Variants in GRM5 observed in about 807,000 individuals in gnomAD.
The protein encoded by GRM5 is metabotropic glutamate receptor 5.
In GRM5, 19 loss-of-function variants were observed where a neutral mutation model predicts 83.1. The observed-to-expected ratio is 0.23, with a 90% confidence interval of 0.16 to 0.34. The LOEUF is 0.34. Among genes scored for constraint, GRM5 ranks in the 10% least tolerant of loss-of-function variants. The pLI, the probability that GRM5 is intolerant of heterozygous loss-of-function variation, is 1.00. For missense variants in GRM5, 1,160 were observed against 1,588.3 expected (o/e 0.73, Z 4.58); for synonymous variants, 675 against 633.6 (o/e 1.07, Z -0.98).
intron 3 of GRM5, among the ~76,000 whole-genome samples, chr11:88,846,817 A>G (rs1944310268): frequency 6.6e-6 from 1 of 152,218 alleles, no homozygotes; most frequent in Non-Finnish European, 1.5e-5. Flanking sequence ...AAGAAGTTAT[A>G]GCGTGAACTA....
chr11:88,774,063 A>G (rs1265750125), intron 3 of GRM5, among the ~76,000 whole-genome samples: 1 of 152,128 alleles, frequency 6.6e-6, no homozygotes, highest in Non-Finnish European at 1.5e-5. Context: ...TTTTCACAAT[A>G]TTGATTTTTC....
At chr11:88,764,765 A>G (rs1301346695) in intron 3 of GRM5, among the ~76,000 whole-genome samples, 1 of 151,612 alleles carries the variant, frequency 6.6e-6, no homozygotes, top group Admixed American at 6.6e-5. Context: ...GAAAAATTCA[A>G]ATCAGCAACC....
At chr11:88,708,853 G>C (rs538565304) in intron 3 of GRM5, among the ~76,000 whole-genome samples, 5 of 152,008 alleles carry the variant, frequency 3.3e-5, no homozygotes, top group African/African-American at 1.2e-4. Context: ...TTGCTAATTG[G>C]AAAAAAATTC....
At chr11:88,880,845 C>T (rs1271607397) in intron 2 of GRM5, among the ~76,000 whole-genome samples, 2 of 152,148 alleles carry the variant, frequency 1.3e-5, no homozygotes, top group Non-Finnish European at 2.9e-5. Context: ...TATTTCTGCA[C>T]ATACTATTTG....
At chr11:88,719,262 C>T (rs1941477216) in intron 3 of GRM5, among the ~76,000 whole-genome samples, 1 of 151,990 alleles carries the variant, frequency 6.6e-6, no homozygotes, top group Admixed American at 6.6e-5. Context: ...GTTCCCTTCC[C>T]TGTGTCCCTG....
chr11:88,987,846 A>G (rs1378378258), intron 2 of GRM5, among the ~76,000 whole-genome samples: 3 of 151,286 alleles, frequency 2.0e-5, no homozygotes, highest in Non-Finnish European at 4.4e-5. Context: ...CATGCACACC[A>G]AAAACCCATC....
At chr11:88,847,602 A>AG (rs1944321391) in intron 3 of GRM5, among the ~76,000 whole-genome samples, 1 of 152,168 alleles carries the variant, frequency 6.6e-6, no homozygotes, top group African/African-American at 2.4e-5. Context: ...AGAAAAAAAA[A>AG]CATGGGCCAA....
chr11:88,664,990 A>T (rs998750203), intron 3 of GRM5, among the ~76,000 whole-genome samples: 1 of 152,178 alleles, frequency 6.6e-6, no homozygotes, highest in African/African-American at 2.4e-5. Flanking sequence ...AGGCAACTGT[A>T]GCTTGCAAAG....
intron 3 of GRM5, among the ~76,000 whole-genome samples, chr11:88,767,498 A>G (rs1371967454): frequency 2.0e-5 from 3 of 152,058 alleles, no homozygotes; most frequent in African/African-American, 4.8e-5. Flanking sequence ...GCAGCCATAC[A>G]AAAGAATAAG....
At chr11:88,732,421 C>G (rs973310514) in intron 3 of GRM5, among the ~76,000 whole-genome samples, 1 of 151,966 alleles carries the variant, frequency 6.6e-6, no homozygotes, top group Non-Finnish European at 1.5e-5. Context: ...AACCTTGACT[C>G]TGGGGAAGGA....
chr11:88,832,834 T>C (rs913960149), intron 3 of GRM5, among the ~76,000 whole-genome samples: 8 of 152,178 alleles, frequency 5.3e-5, no homozygotes, highest in African/African-American at 1.7e-4. Flanking sequence ...CAAATGATTT[T>C]TGGAAAAGTT....
chr11:88,583,951 A>C (rs1300577158), intron 7 of GRM5, among the ~76,000 whole-genome samples: 2 of 152,072 alleles, frequency 1.3e-5, no homozygotes, highest in African/African-American at 4.8e-5. Flanking sequence ...TTCACATTAC[A>C]TTATCCTTAC....
At chr11:88,869,405 T>C (rs2135559677) in intron 2 of GRM5, among the ~76,000 whole-genome samples, 1 of 151,674 alleles carries the variant, frequency 6.6e-6, no homozygotes, top group South Asian at 2.1e-4. Flanking sequence ...ATGGTACCTG[T>C]CCAGTTTCCA....
chr11:88,742,337 C>A (rs528757382), intron 3 of GRM5, among the ~76,000 whole-genome samples: 21 of 151,968 alleles, frequency 1.4e-4, no homozygotes, highest in African/African-American at 5.1e-4. Context: ...TTATAAAAAA[C>A]AATTTTCTGA....
intron 3 of GRM5, among the ~76,000 whole-genome samples, chr11:88,658,641 CAATA>C (rs1939828061): frequency 6.6e-6 from 1 of 151,950 alleles, no homozygotes; most frequent in African/African-American, 2.4e-5. Flanking sequence ...GAGAGCAGAT[CAATA>C]AATAATTGAC....
chr11:88,992,371 G>T (rs1414521594), intron 2 of GRM5, among the ~76,000 whole-genome samples: 3 of 151,822 alleles, frequency 2.0e-5, no homozygotes, highest in Admixed American at 6.6e-5. Context: ...GAAACAGCAG[G>T]TGCTGGAGAG....
At chr11:89,005,340 A>G (rs1940495285) in intron 2 of GRM5, among the ~76,000 whole-genome samples, 1 of 152,200 alleles carries the variant, frequency 6.6e-6, no homozygotes, top group Non-Finnish European at 1.5e-5. Flanking sequence ...AATTGGAAAG[A>G]GCAGAAATAA....
chr11:88,874,230 TA>T (rs1590929733), intron 2 of GRM5, among the ~76,000 whole-genome samples: 1 of 151,588 alleles, frequency 6.6e-6, no homozygotes, highest in African/African-American at 2.4e-5. Context: ...GGTATTTGCA[TA>T]AAAAACAGAC....
chr11:88,810,776 A>T (rs1325893594), intron 3 of GRM5, among the ~76,000 whole-genome samples: 3 of 152,144 alleles, frequency 2.0e-5, no homozygotes, highest in African/African-American at 7.2e-5. Context: ...GCCAACCAGG[A>T]TCATTGAATA....
Sources: gnomAD v4.1 joint callset for allele counts (sites outside exome capture counted in the v4.1 genomes callset) on GRCh38, gnomAD v4.1.1 for gene constraint, MANE v1.5 for transcripts, NCBI Gene and HGNC (gene_info 2026-07-23, HGNC 2026-07-21) for gene names.